Variants in USP10 observed in about 807,000 individuals in gnomAD.
USP10 encodes ubiquitin specific peptidase 10, also known as ubiquitin carboxyl-terminal hydrolase 10.
A neutral mutation model predicts 84.5 loss-of-function variants in USP10; 22 were observed. The ratio of observed to expected loss-of-function variants is 0.26; its 90% CI spans 0.19 to 0.37. The LOEUF (loss-of-function observed/expected upper bound fraction) is 0.37, where lower values mean the gene tolerates loss of function less well. Ranked by LOEUF, USP10 falls within the 10% of genes least tolerant of loss-of-function variation. USP10 has a pLI of 1.00. For missense variants in USP10, 1,019 were observed against 998.9 expected, an observed-to-expected ratio of 1.02 and a Z score of -0.27; for synonymous variants, 454 against 387.6, an observed-to-expected ratio of 1.17 and a Z score of -2.01.
chr16:84,758,702 C>G lies in USP10; in HGVS notation c.1193-14C>G. On this transcript the variant is annotated splice_polypyrimidine_tract_variant and intron_variant, in intron 4 of 13. Transcript: ENST00000219473. ...TGTCATCAATTTCTGAAATATGCTTCTTCACTCTTTCAGAGTTGCTGGAGA... is the reference window on the plus strand; with the variant it reads ...TGTCATCAATTTCTGAAATATGCTTGTTCACTCTTTCAGAGTTGCTGGAGA... 6.3e-7 allele frequency: 1 copy of G among 1,578,070 alleles called. No individual in the cohort carries two copies. The highest frequency in any genetic ancestry group is 8.7e-7 in the Non-Finnish European group (1 of 1,147,126).
intron 9 of USP10, among the ~76,000 whole-genome samples, chr16:84,763,668 C>G (rs529730849): frequency 3.9e-5 from 6 of 152,236 alleles, no homozygotes; most frequent in Non-Finnish European, 8.8e-5. Flanking sequence ...AAACAAGGAT[C>G]CAGTGGTGGT....
intron 3 of USP10, among the ~76,000 whole-genome samples, chr16:84,741,092 G>A (rs571399017): frequency 7.2e-5 from 11 of 152,304 alleles, no homozygotes; most frequent in East Asian, 1.9e-4. Flanking sequence ...CTTTTTCTTT[G>A]AGAGTTAGAG....
Position 84,745,637 on chromosome 16 carries a change from C to T in USP10, c.1156C>T (p.Pro386Ser), listed in dbSNP as rs199654727. ...GGTTGAAGTCAAAGAAGGGCTTGTT[C>T]CGGTTTCAGAGGATCCTGTAGCCAT... Reference protein sequence around the residue: ...KQVEVKEGLVPVSEDPVAIKI... With the variant: ...KQVEVKEGLVSVSEDPVAIKI... The change falls in exon 4 of 14, where the codon CCG (proline) becomes TCG (serine). Residue 386 changes from proline (P) to serine (S), a missense_variant. Physicochemically the swap from Pro to Ser is moderately conservative, Grantham distance 74. Coordinates refer to ENST00000219473, the MANE Select transcript of USP10 (RefSeq NM_005153.3). 6.2e-7 allele frequency: 1 copy of T among 1,612,904 alleles called. No individual in the cohort carries two copies. Among genetic ancestry groups the T allele is most frequent in the Non-Finnish European group, 8.5e-7 (1 of 1,179,538 alleles).
intron 12 of USP10, 83 bp downstream of exon 12, chr16:84,772,768 A>T (rs1269967893): frequency 6.5e-7 from 1 of 1,532,760 alleles, no homozygotes; most frequent in African/African-American, 1.4e-5. Context: ...TTTCTTTATG[A>T]TGTCAAGAGT....
At chr16:84,753,063 C>T (rs1464162945) in intron 4 of USP10, among the ~76,000 whole-genome samples, 3 of 152,038 alleles carry the variant, frequency 2.0e-5, no homozygotes, top group Non-Finnish European at 4.4e-5. Flanking sequence ...ATCTCTCAGG[C>T]GCAGGTGGTC....
intron 11 of USP10, among the ~76,000 whole-genome samples, chr16:84,771,984 G>A (rs1033982699): frequency 6.6e-6 from 1 of 152,174 alleles, no homozygotes; most frequent in African/African-American, 2.4e-5. Context: ...TTGAGTTTAC[G>A]ACTGGACTTC....
chr16:84,707,319 A>G, intron 1 of USP10, among the ~76,000 whole-genome samples: 1 of 152,250 alleles, frequency 6.6e-6, no homozygotes, highest in East Asian at 1.9e-4. Context: ...ATTTGTTACT[A>G]TAATATGTTA....
At chr16:84,760,030 G>C (rs572903480) in intron 7 of USP10, 84 bp downstream of exon 7, 1 of 1,558,508 alleles carries the variant, frequency 6.4e-7, no homozygotes, top group East Asian at 2.2e-5. Flanking sequence ...ATTCAGTCTT[G>C]TTGGGAAGAT....
rs142461369 is a variant in USP10 at position 84,750,337 on chromosome 16, G to A, written c.1192+4664G>A. On this transcript the variant is annotated intron_variant, in intron 4 of 13. Transcript: ENST00000219473. ...TCAGGAGAATAGCTTGAACCGGGGA[G>A]GTGGAGGTTCAGTGAGCCCAGATCG... 2.3e-3 allele frequency among the ~76,000 whole-genome samples: 350 copies of A among 151,634 alleles called. 2 individuals are homozygous for A. The highest frequency in any genetic ancestry group is 0.01 in the Middle Eastern group (3 of 294).
intron 2 of USP10, among the ~76,000 whole-genome samples, chr16:84,738,267 C>G: frequency 1.3e-5 from 2 of 152,278 alleles, no homozygotes; most frequent in South Asian, 4.1e-4. Flanking sequence ...ACTGTTTTGA[C>G]TCAGAAAAAG....
chr16:84,730,436 T>C (rs999753753), intron 1 of USP10, among the ~76,000 whole-genome samples: 1 of 152,216 alleles, frequency 6.6e-6, no homozygotes, highest in African/African-American at 2.4e-5. Flanking sequence ...CATGAAGTTA[T>C]AATAAAAACA....
chr16:84,759,783 A>C, intron 6 of USP10, 108 bp from the exon 7 acceptor site: 1 of 1,169,796 alleles, frequency 8.5e-7, no homozygotes, highest in Non-Finnish European at 1.3e-6. Flanking sequence ...GGTTACCTAA[A>C]ATCTACTATA....
intron 1 of USP10, among the ~76,000 whole-genome samples, chr16:84,728,432 C>T (rs2150790667): frequency 6.6e-6 from 1 of 152,108 alleles, no homozygotes. Flanking sequence ...CTCTGCCTCC[C>T]CGGTTCAAGC....
chr16:84,768,382 C>A, intron 11 of USP10, 24 bp downstream of exon 11: 2 of 1,541,006 alleles, frequency 1.3e-6, no homozygotes, highest in Non-Finnish European at 1.8e-6. Context: ...TGATTTTGAA[C>A]CTTTCTACTA....
Position 84,779,224 on chromosome 16 carries a change from C to G in USP10, c.*142C>G. 1.0e-6 allele frequency: 1 copy of G among 968,980 alleles called. No individual in the cohort carries two copies. Among genetic ancestry groups the G allele is most frequent in the Non-Finnish European group, 1.5e-6 (1 of 669,824 alleles). 60.0% of individuals were successfully genotyped at this position (968,980 alleles called of 1,614,324 possible). ...ATGGGCTAGAATGAAAAGGAGATGC[C>G]TTGGGGTTCGTGCACAACACAGCTT... On this transcript the variant is annotated 3_prime_UTR_variant, in exon 14 of 14. Transcript: ENST00000219473.
chr16:84,703,814 T>C (rs1003167785), intron 1 of USP10, among the ~76,000 whole-genome samples: 2 of 152,212 alleles, frequency 1.3e-5, no homozygotes, highest in African/African-American at 4.8e-5. Context: ...AGCCGCGCCG[T>C]ACCAGGACCT....
Position 84,744,622 on chromosome 16 carries a change from T to G in USP10, c.152-11T>G. 6.3e-7 allele frequency: 1 copy of G among 1,582,888 alleles called. No homozygotes were observed. Among genetic ancestry groups the G allele is most frequent in the Non-Finnish European group, 8.6e-7 (1 of 1,162,976 alleles). ...ACTGGGTTCTTAACTAATAGTTTTC[T>G]TTCTAAACAGGACAAGAATATCAGA... On this transcript the variant is annotated splice_polypyrimidine_tract_variant and intron_variant, in intron 3 of 13. Coordinates refer to ENST00000219473, the MANE Select transcript of USP10 (RefSeq NM_005153.3).
At chr16:84,777,993 G>A (rs1915189646) in intron 13 of USP10, among the ~76,000 whole-genome samples, 1 of 152,030 alleles carries the variant, frequency 6.6e-6, no homozygotes, top group Non-Finnish European at 1.5e-5. Context: ...TGTGTTCTGT[G>A]GCTGTCTTAA....
chr16:84,764,572 T>TG (rs1366175720), intron 10 of USP10, among the ~76,000 whole-genome samples: 1 of 152,198 alleles, frequency 6.6e-6, no homozygotes, highest in African/African-American at 2.4e-5. Flanking sequence ...GGTTCATGCC[T>TG]GTAATCCCAG....
Sources: allele counts gnomAD v4.1 joint callset (sites outside exome capture counted in the v4.1 genomes callset), GRCh38; gene constraint gnomAD v4.1.1; transcripts MANE v1.5; gene names NCBI Gene and HGNC (gene_info 2026-07-23, HGNC 2026-07-21).